TMEM245: variants seen among roughly 807,000 people sequenced by gnomAD.
TMEM245 encodes transmembrane protein 245.
Under a neutral mutation model 101.2 loss-of-function variants are expected in TMEM245, and 69 were observed. The ratio of observed to expected loss-of-function variants is 0.68; its 90% confidence interval spans 0.56 to 0.83. TMEM245 has a LOEUF of 0.83. Among genes scored for constraint, TMEM245 ranks in the 40% least tolerant of loss-of-function variants. The pLI, the probability that TMEM245 is intolerant of heterozygous loss-of-function variation, is 0.00. For synonymous variants in TMEM245, 537 were observed against 449.8 expected, an observed-to-expected ratio of 1.19 and a Z score of -2.45; for missense variants, 1,075 against 1,092.8, an observed-to-expected ratio of 0.98 and a Z score of 0.23.
At chr9:109,085,816 T>C (rs542910940) in intron 7 of TMEM245, among the ~76,000 whole-genome samples, 181 bp downstream of exon 7, 1 of 152,392 alleles carries the variant, frequency 6.6e-6, no homozygotes, top group East Asian at 1.9e-4. Flanking sequence ...CAGCCTTTGC[T>C]GAGTTTTTAC....
chr9:109,033,281 C>T (rs7866253), intron 17 of TMEM245, 26 bp downstream of exon 17: 230,352 of 1,569,548 alleles, frequency 0.15, 18,050 homozygotes, highest in African/African-American at 0.19. Flanking sequence ...ATAAATACAG[C>T]TTATGATTAT....
chr9:109,073,415 CAT>C lies in TMEM245; in HGVS notation c.1471_1472del (p.Met491AspfsTer2), dbSNP rs747448552. On this transcript the variant is annotated frameshift_variant, in exon 9 of 18. Transcript: ENST00000374586. LOFTEE classifies it high-confidence loss of function. Reference protein sequence around the residue: ...TAKVHQESVHMIEVTSNLINE... With the variant: ...TAKVHQESVHXIEVTSNLINE... ...TAATCAAATTACTTGTGACTTCAAT[CAT>C]GTGTACACTCTCTTGATGTACCTGT... 1.1e-5 allele frequency: 17 copies of C among 1,612,006 alleles called. No individual in the cohort carries two copies. Among genetic ancestry groups the C allele is most frequent in the Non-Finnish European group, 1.1e-5 (13 of 1,179,002 alleles).
intron 3 of TMEM245, among the ~76,000 whole-genome samples, chr9:109,095,946 T>C (rs1163474732): frequency 1.3e-5 from 2 of 152,120 alleles, no homozygotes; most frequent in African/African-American, 2.4e-5. Context: ...TGCAGTACTA[T>C]AGGCAAGACA....
Position 109,038,134 on chromosome 9 carries a change from TAAAAAG to T in TMEM245, c.2124-23_2124-18del, listed in dbSNP as rs764995866. On this transcript the variant is annotated intron_variant, in intron 14 of 17. Transcript: ENST00000374586. ...AACACCCCTCTGGAATGCCCAAAGA[TAAAAAG>T]AAAGAGTAAATAAACAGTGTCATAT... is the stretch of plus-strand genomic sequence containing the variant. 2.5e-6 allele frequency: 4 copies of T among 1,596,374 alleles called. No individual in the cohort carries two copies. Among genetic ancestry groups the T allele is most frequent in the Admixed American group, 1.7e-5 (1 of 57,572 alleles).
chr9:109,062,636 T>A (rs994114473), intron 10 of TMEM245, among the ~76,000 whole-genome samples: 2 of 152,242 alleles, frequency 1.3e-5, no homozygotes, highest in African/African-American at 4.8e-5. Context: ...TTCCTTTATA[T>A]TTGATTTATT....
At chr9:109,068,511 C>T (rs1001941577) in intron 9 of TMEM245, among the ~76,000 whole-genome samples, 2 of 151,752 alleles carry the variant, frequency 1.3e-5, no homozygotes, top group African/African-American at 4.8e-5. Flanking sequence ...CATGGTAGTG[C>T]GTACATGACT....
intron 12 of TMEM245, among the ~76,000 whole-genome samples, chr9:109,053,455 A>G (rs1221664695): frequency 1.3e-5 from 2 of 152,226 alleles, no homozygotes; most frequent in African/African-American, 4.8e-5. Context: ...ATCCTAACTC[A>G]GAAGTAGAAA....
chr9:109,100,661 T>G (rs1461210809), intron 3 of TMEM245, among the ~76,000 whole-genome samples: 1 of 152,236 alleles, frequency 6.6e-6, no homozygotes, highest in East Asian at 1.9e-4. Context: ...GCCAAGGACC[T>G]AAGTTTAAAT....
chr9:109,099,610 A>C (rs186712242), intron 3 of TMEM245, among the ~76,000 whole-genome samples: 90 of 152,328 alleles, frequency 5.9e-4, no homozygotes, highest in Middle Eastern at 3.4e-3. Context: ...TAAAATAAGC[A>C]TAACACCAAT....
intron 9 of TMEM245, 24 bp from the exon 10 acceptor site, chr9:109,064,591 TG>T: frequency 6.3e-7 from 1 of 1,597,392 alleles, no homozygotes; most frequent in South Asian, 1.1e-5. Flanking sequence ...AAGAAAAAAA[TG>T]AAAAAAGTAC....
chr9:109,119,364 G>C lies in TMEM245; in HGVS notation c.550C>G (p.Arg184Gly). Residue 184 changes from arginine (R) to glycine (G), a missense_variant, in exon 1 of 18, where the codon CGC becomes GGC. Coordinates refer to ENST00000374586, the MANE Select transcript of TMEM245 (RefSeq NM_032012.4). ...AGGCTGCTGAAGTAGTCCAGCCCGC[G>C]GCAGATGAGCGTGGCAGCGTGCACC... is the stretch of plus-strand genomic sequence containing the variant. Reference protein sequence around the residue: ...LLVHAATLICRGLDYFSSLWI... With the variant: ...LLVHAATLICGGLDYFSSLWI... 1 of 1,531,604 alleles carries C rather than the reference G, an allele frequency of 6.5e-7. No individual in the cohort carries two copies. The highest frequency in any genetic ancestry group is 8.7e-7 in the Non-Finnish European group (1 of 1,143,152). The allele number at this position is 1,531,604 out of a possible 1,614,324, so 94.9% of individuals were successfully genotyped here.
intron 12 of TMEM245, among the ~76,000 whole-genome samples, chr9:109,055,596 T>C (rs1828806916): frequency 6.6e-6 from 1 of 152,036 alleles, no homozygotes; most frequent in South Asian, 2.1e-4. Flanking sequence ...ATTGCAAGTA[T>C]GATAGCAGAA....
chr9:109,103,383 A>C (rs1172051229), intron 3 of TMEM245, among the ~76,000 whole-genome samples: 3 of 152,238 alleles, frequency 2.0e-5, no homozygotes, highest in Admixed American at 2.0e-4. Context: ...GGAATAAATT[A>C]AAGGTCTAAG....
chr9:109,087,092 TA>T, intron 6 of TMEM245, 80 bp downstream of exon 6: 1 of 1,276,686 alleles, frequency 7.8e-7, no homozygotes, highest in Non-Finnish European at 1.1e-6. Flanking sequence ...AGTTACAATA[TA>T]AACACCATAG....
At chr9:109,026,649 A>T (rs574693517) in intron 17 of TMEM245, among the ~76,000 whole-genome samples, 28 of 150,808 alleles carry the variant, frequency 1.9e-4, no homozygotes, top group Admixed American at 1.7e-3. Flanking sequence ...GACTGCTATG[A>T]CCTGGCATAC....
chr9:109,048,376 C>G (rs1348237214), intron 14 of TMEM245, among the ~76,000 whole-genome samples: 2 of 151,436 alleles, frequency 1.3e-5, no homozygotes, highest in Admixed American at 1.3e-4. Flanking sequence ...TTCTCCCTAG[C>G]TATTACATGA....
At position 109,052,005 on chromosome 9, in the gene TMEM245, T is replaced by G. The variant is rs1055300742; in HGVS notation, c.1855-1313A>C. 5.3e-5 allele frequency among the ~76,000 whole-genome samples: 8 copies of G among 152,114 alleles called. No homozygotes were observed. In the East Asian group the frequency reaches 1.5e-3, roughly 29 times the overall value. ...TTGACGTCTACTGAGTTCAGCTGAT[T>G]TGTCACCTACACATTCACTAGAACC... On this transcript the variant is annotated intron_variant, in intron 12 of 17. Coordinates refer to ENST00000374586, the MANE Select transcript of TMEM245 (RefSeq NM_032012.4).
chr9:109,093,745 A>T (rs1205697622), intron 3 of TMEM245, among the ~76,000 whole-genome samples, 154 bp from the exon 4 acceptor site: 1 of 152,224 alleles, frequency 6.6e-6, no homozygotes. Flanking sequence ...AACCATTAAG[A>T]ATTGACATGA....
intron 8 of TMEM245, among the ~76,000 whole-genome samples, chr9:109,077,766 A>T (rs935023696): frequency 2.0e-5 from 3 of 152,204 alleles, no homozygotes; most frequent in African/African-American, 7.2e-5. Flanking sequence ...TGCACAGTGT[A>T]TGTTTTTTAA....
Sources: allele counts gnomAD v4.1 joint callset (sites outside exome capture counted in the v4.1 genomes callset), GRCh38; gene constraint gnomAD v4.1.1; transcripts MANE v1.5; gene names NCBI Gene and HGNC (gene_info 2026-07-23, HGNC 2026-07-21).